Variants in PROS1 observed in about 807,000 individuals in gnomAD.
PROS1 encodes vitamin K-dependent protein S.
In PROS1, 29 loss-of-function variants were observed where a neutral mutation model predicts 75.9. The ratio of observed to expected loss-of-function variants is 0.38; its 90% confidence interval spans 0.28 to 0.52. The LOEUF is 0.52. PROS1 is among the 20% of genes least tolerant of loss of function. The pLI is 0.83. For missense variants in PROS1, 680 were observed against 810.3 expected (o/e 0.84, Z 1.95); for synonymous variants, 245 against 280.6 (o/e 0.87, Z 1.27).
At chr3:93,941,058 T>C (rs1709279489) in intron 1 of PROS1, among the ~76,000 whole-genome samples, 1 of 152,108 alleles carries the variant, frequency 6.6e-6, no homozygotes, top group Non-Finnish European at 1.5e-5. Context: ...CCAGCCTCTC[T>C]TTGCCTTTAC....
At chr3:93,912,586 T>C (rs1314231497) in intron 3 of PROS1, among the ~76,000 whole-genome samples, 1 of 152,092 alleles carries the variant, frequency 6.6e-6, no homozygotes, top group African/African-American at 2.4e-5. Flanking sequence ...GAGTCCACTT[T>C]GTGTTGCTAT....
chr3:93,885,551 A>C (rs1328753746), intron 11 of PROS1, among the ~76,000 whole-genome samples: 2 of 152,074 alleles, frequency 1.3e-5, no homozygotes, highest in African/African-American at 4.8e-5. Context: ...GGCATTTATA[A>C]TATGGGTTTG....
At chr3:93,945,966 G>A (rs1576209347) in intron 1 of PROS1, among the ~76,000 whole-genome samples, 1 of 152,124 alleles carries the variant, frequency 6.6e-6, no homozygotes, top group South Asian at 2.1e-4. Flanking sequence ...CAAAGTCTCA[G>A]GATACAAAAT....
In PROS1 at chr3:93,926,114, G is replaced by A. The variant is rs563205218; in HGVS notation, c.234+1136C>T. 2.0e-4 allele frequency among the ~76,000 whole-genome samples: 30 copies of A among 152,188 alleles called. No individual in the cohort carries two copies. In the South Asian group the frequency reaches 5.8e-3, roughly 29 times the overall value. On this transcript the variant is annotated intron_variant, in intron 2 of 14. Coordinates refer to ENST00000394236, the MANE Select transcript of PROS1 (RefSeq NM_000313.4). The stretch of plus-strand genomic sequence containing the variant: ...CTAATATGGTATCTTGGGCAGACAG[G>A]CATGCCTTACAATATTCCAGAATAA...
chr3:93,930,367 A>T (rs1222981762), intron 1 of PROS1, among the ~76,000 whole-genome samples: 2 of 152,228 alleles, frequency 1.3e-5, no homozygotes, highest in Non-Finnish European at 2.9e-5. Flanking sequence ...ACAGCAAAAA[A>T]TTTGGACTTT....
chr3:93,925,845 C>G (rs983625345), intron 2 of PROS1, among the ~76,000 whole-genome samples: 3 of 139,396 alleles, frequency 2.2e-5, no homozygotes, highest in Non-Finnish European at 4.8e-5. Flanking sequence ...AAAAAAGTAA[C>G]TTTTTTTTTC....
chr3:93,944,619 C>G (rs1021701960), intron 1 of PROS1, among the ~76,000 whole-genome samples: 1 of 151,748 alleles, frequency 6.6e-6, no homozygotes, highest in Non-Finnish European at 1.5e-5. Flanking sequence ...AGAACAAAGA[C>G]ACAACATACC....
rs145909775 is a variant in PROS1 at position 93,953,969 on chromosome 3, C to G, written c.76+19705G>C. Among the ~76,000 whole-genome samples, 254 of 152,272 alleles carry G rather than the reference C, an allele frequency of 1.7e-3. 1 individual carries two copies. In the Middle Eastern group the frequency reaches 0.02, roughly 12 times the overall value. ...GCCAAATCATGAGTGAACTCCCATT[C>G]ACAATTGCTTCAAAGAGAATAAAAT... On this transcript the variant is annotated intron_variant, in intron 1 of 14. Coordinates refer to ENST00000394236, the MANE Select transcript of PROS1 (RefSeq NM_000313.4).
chr3:93,961,564 T>A (rs544956310), intron 1 of PROS1, among the ~76,000 whole-genome samples: 1 of 152,222 alleles, frequency 6.6e-6, no homozygotes, highest in South Asian at 2.1e-4. Context: ...TTTAGCCTTG[T>A]GAGATTCTGA....
intron 4 of PROS1, among the ~76,000 whole-genome samples, chr3:93,908,468 C>T (rs1708708796): frequency 4.0e-5 from 6 of 151,438 alleles, no homozygotes; most frequent in Admixed American, 3.9e-4. Context: ...GGTCAGAGTA[C>T]TATAAAGGCA....
Position 93,905,803 on chromosome 3 carries a change from T to C in PROS1, c.582A>G (p.Ser194=), listed in dbSNP as rs1194966932. 1.2e-6 allele frequency: 2 copies of C among 1,612,160 alleles called. No homozygotes were observed. The highest frequency in any genetic ancestry group is 1.7e-5 in the Admixed American group (1 of 59,980). The part of the protein sequence containing the change: ...CSCKNGFVML[S]NKKDCKDVDE... ...TCTTACCTTTACAATCTTTCTTATT[T>C]GAAAGCATAACAAAACCATTTTTAC... is the stretch of plus-strand genomic sequence containing the variant. The change falls in exon 6 of 15, where the codon TCA becomes TCG. Residue 194 remains serine, a synonymous_variant. Coordinates refer to ENST00000394236, the MANE Select transcript of PROS1 (RefSeq NM_000313.4).
At chr3:93,920,126 A>G (rs1443566180) in intron 3 of PROS1, among the ~76,000 whole-genome samples, 3 of 152,188 alleles carry the variant, frequency 2.0e-5, no homozygotes, top group African/African-American at 7.2e-5. Flanking sequence ...GGCCACACAT[A>G]GTACCTCACA....
rs1018164292 is a variant in PROS1 at position 93,961,881 on chromosome 3, GA to G, written c.76+11792del. ...AGACATTCCTTGGCATAATGTAACA[GA>G]AAGAATTCAAAAAGACTAGGAGACA... On this transcript the variant is annotated intron_variant, in intron 1 of 14. Transcript: ENST00000394236. Among the ~76,000 whole-genome samples, 71 of 152,092 alleles carry G rather than the reference GA, an allele frequency of 4.7e-4. 1 individual carries two copies. The highest frequency in any genetic ancestry group is 1.7e-3 in the African/African-American group (70 of 41,430).
intron 1 of PROS1, among the ~76,000 whole-genome samples, chr3:93,948,737 T>C (rs747431235): frequency 2.6e-5 from 4 of 152,250 alleles, no homozygotes; most frequent in Non-Finnish European, 5.9e-5. Flanking sequence ...TCCTTTTCCA[T>C]AGCAGCCTAT....
chr3:93,933,803 G>C (rs1259304728), intron 1 of PROS1, among the ~76,000 whole-genome samples: 5 of 151,816 alleles, frequency 3.3e-5, no homozygotes, highest in African/African-American at 1.2e-4. Context: ...GAGGTCAGGA[G>C]TTTGAGATCA....
chr3:93,933,627 AAATT>A (rs1709139567), intron 1 of PROS1, among the ~76,000 whole-genome samples: 1 of 152,010 alleles, frequency 6.6e-6, no homozygotes, highest in Non-Finnish European at 1.5e-5. Flanking sequence ...ATTATTTAAA[AAATT>A]AATTAATAAT....
chr3:93,890,940 AC>A (rs1437773311), intron 10 of PROS1, among the ~76,000 whole-genome samples: 2 of 151,988 alleles, frequency 1.3e-5, no homozygotes, highest in Non-Finnish European at 2.9e-5. Context: ...ACCTGTCTCT[AC>A]TAAAAATACA....
rs1708243159 is a variant in PROS1 at position 93,879,412 on chromosome 3, CT to C, written c.1493-99del. On this transcript the variant is annotated intron_variant, in intron 12 of 14. Coordinates refer to ENST00000394236, the MANE Select transcript of PROS1 (RefSeq NM_000313.4). ...CAGTCCAGGTAATATTCAAAACTAT[CT>C]TGTGTAATACTATTTCCATTCCCTT... 94 of 1,436,940 alleles carry C rather than the reference CT, an allele frequency of 6.5e-5. 1 individual carries two copies. The South Asian group carries it at 1.0e-3, about 16-fold the overall frequency. 89.0% of individuals were successfully genotyped at this position (1,436,940 alleles called of 1,614,324 possible).
intron 1 of PROS1, among the ~76,000 whole-genome samples, chr3:93,947,299 A>G (rs1400665115): frequency 6.6e-6 from 1 of 152,170 alleles, no homozygotes; most frequent in Non-Finnish European, 1.5e-5. Flanking sequence ...AGATGCTGAG[A>G]ATAAGCATCA....
Sources: gnomAD v4.1 joint callset for allele counts (sites outside exome capture counted in the v4.1 genomes callset) on GRCh38, gnomAD v4.1.1 for gene constraint, MANE v1.5 for transcripts, NCBI Gene and HGNC (gene_info 2026-07-23, HGNC 2026-07-21) for gene names.